Variants in MALT1 observed in about 807,000 individuals in gnomAD.
MALT1 encodes the protein MALT1 paracaspase, also known as mucosa-associated lymphoid tissue lymphoma translocation protein 1.
A neutral mutation model predicts 85.5 loss-of-function variants in MALT1; 36 were observed. The ratio of observed to expected loss-of-function variants is 0.42; its 90% CI spans 0.32 to 0.56. MALT1 has a LOEUF of 0.56. Ranked by LOEUF, MALT1 falls within the 20% of genes least tolerant of loss-of-function variation. The pLI, the probability that MALT1 is intolerant of heterozygous loss-of-function variation, is 0.10. For missense variants in MALT1, 716 were observed against 981.6 expected (o/e 0.73, Z 3.62); for synonymous variants, 359 against 361.3 (o/e 0.99, Z 0.07).
Position 58,749,147 on chromosome 18 carries a change from A to T in MALT1, c.*1305A>T. Reference sequence around the variant, plus strand: ...AGCTAATATACAGTCAGTTCTCATTATTCACAGTAATTATGTTCTACAGAA... The same window carrying T: ...AGCTAATATACAGTCAGTTCTCATTTTTCACAGTAATTATGTTCTACAGAA... On this transcript the variant is annotated 3_prime_UTR_variant, in exon 17 of 17. Coordinates refer to ENST00000649217, the MANE Select transcript of MALT1 (RefSeq NM_006785.4). 1 of 217,866 alleles carries T rather than the reference A, an allele frequency of 4.6e-6. No homozygotes were observed. The highest frequency in any genetic ancestry group is 9.2e-6 in the Non-Finnish European group (1 of 108,496). The allele number at this position is 217,866 out of a possible 1,614,324, so 13.5% of individuals were successfully genotyped here.
intron 4 of MALT1, among the ~76,000 whole-genome samples, chr18:58,707,424 G>T (rs1216264789): frequency 6.6e-6 from 1 of 150,716 alleles, no homozygotes; most frequent in African/African-American, 2.4e-5. Context: ...TTCAACATTA[G>T]AAAATTTTTT....
chr18:58,733,743 A>C, intron 11 of MALT1, 169 bp downstream of exon 11: 1 of 738,900 alleles, frequency 1.4e-6, no homozygotes, highest in Non-Finnish European at 2.1e-6. Context: ...ATGTATATCT[A>C]ATTATTTTAA....
At chr18:58,684,977 G>T (rs2054379819) in intron 2 of MALT1, among the ~76,000 whole-genome samples, 1 of 152,120 alleles carries the variant, frequency 6.6e-6, no homozygotes, top group African/African-American at 2.4e-5. Flanking sequence ...GTTTAGAGAT[G>T]AATAAAACAA....
chr18:58,700,199 T>C (rs1004803430), intron 3 of MALT1, among the ~76,000 whole-genome samples: 1 of 152,276 alleles, frequency 6.6e-6, no homozygotes, highest in Non-Finnish European at 1.5e-5. Flanking sequence ...AGTGAGCCTT[T>C]GGAAGATGTT....
chr18:58,676,581 C>T (rs543410657), intron 1 of MALT1, among the ~76,000 whole-genome samples: 1 of 152,348 alleles, frequency 6.6e-6, no homozygotes, highest in South Asian at 2.1e-4. Context: ...GTTCACCTCA[C>T]TGAGCTCTTC....
At position 58,752,337 on chromosome 18, in the gene MALT1, GT is replaced by G. The variant is rs1361445807; in HGVS notation, c.*4497del. On this transcript the variant is annotated 3_prime_UTR_variant, in exon 17 of 17. Coordinates refer to ENST00000649217, the MANE Select transcript of MALT1 (RefSeq NM_006785.4). ...TTTTCCAAACAGACGTCCTGACAAT[GT>G]TGTTTCCTATTCCTTGAACATTCAC... 2 of 152,120 alleles carry G rather than the reference GT, an allele frequency of 1.3e-5. No homozygotes were observed. The highest frequency in any genetic ancestry group is 4.8e-5 in the African/African-American group (2 of 41,420). The allele number at this position is 152,120 out of a possible 1,614,324, so 9.4% of individuals were successfully genotyped here. A position where few individuals can be genotyped will look rare whatever the true frequency, so the allele number is the denominator to read the frequency against.
Position 58,710,012 on chromosome 18 carries a change from T to C in MALT1, c.865T>C (p.Trp289Arg). The C allele has an allele frequency of 1.2e-6, 2 of 1,612,450 alleles. No individual in the cohort carries two copies. Among genetic ancestry groups the C allele is most frequent in the East Asian group, 2.2e-5 (1 of 44,750 alleles). Residue 289 changes from tryptophan (W) to arginine (R), a missense_variant, in exon 6 of 17, where the codon TGG becomes CGG. By Grantham distance (101) the Trp-to-Arg change is moderately radical (BLOSUM62 -3). This residue lies in a region of MALT1 where 290 missense variants were observed against 380.5 expected (regional missense o/e 0.76). Coordinates refer to ENST00000649217, the MANE Select transcript of MALT1 (RefSeq NM_006785.4). ...GGATTTGGAACACCAAGGAACCTAC[T>C]GGTGTCATGTATATAATGATCGAGA... ...YVDLEHQGTYWCHVYNDRDSQ... is the reference protein window; with the variant it reads ...YVDLEHQGTYRCHVYNDRDSQ...
At position 58,752,641 on chromosome 18, in the gene MALT1, AAAAC is replaced by A. The variant is rs2055462272; in HGVS notation, c.*4803_*4806del. 6.6e-6 allele frequency: 1 copy of A among 151,772 alleles called. No individual in the cohort carries two copies. The highest frequency in any genetic ancestry group is 2.1e-4 in the South Asian group (1 of 4,806). 9.4% of individuals were successfully genotyped at this position (151,772 alleles called of 1,614,324 possible). On this transcript the variant is annotated 3_prime_UTR_variant, in exon 17 of 17. Transcript: ENST00000649217. ...CAAAAAAAAAAAAAAAAAAAAAGCA[AAAAC>A]AAAAATTAACTGGGCATAGTTGCAC... is the stretch of plus-strand genomic sequence containing the variant.
chr18:58,707,272 C>G (rs564953556), intron 4 of MALT1, among the ~76,000 whole-genome samples: 58 of 151,592 alleles, frequency 3.8e-4, no homozygotes, highest in African/African-American at 1.3e-3. Context: ...CTGCCTTTTT[C>G]TCCAGATCCT....
rs2054802610 is a variant in MALT1, at chr18:58,709,515, A to G, written c.787A>G (p.Asn263Asp). The G allele has an allele frequency of 1.2e-6, 2 of 1,612,374 alleles. No homozygotes were observed. The highest frequency in any genetic ancestry group is 1.7e-6 in the Non-Finnish European group (2 of 1,179,496). Residue 263 changes from asparagine (N) to aspartate (D), a missense_variant, in exon 5 of 17, where the codon AAT becomes GAT. Physicochemically the swap from Asn to Asp is conservative, Grantham distance 23. Transcript: ENST00000649217. ...TATTCCTCACTACCAGTGGTTCAAA[A>G]ATGAATTACCATTAACACATGAGAC... ...SPIPHYQWFK[N>D]ELPLTHETKK...
intron 3 of MALT1, among the ~76,000 whole-genome samples, chr18:58,698,896 G>A (rs1486686602): frequency 1.3e-5 from 2 of 152,204 alleles, no homozygotes; most frequent in African/African-American, 2.4e-5. Flanking sequence ...CATTGTGACC[G>A]TAAAGTCCCC....
chr18:58,740,870 C>CA (rs1288238291), intron 13 of MALT1, among the ~76,000 whole-genome samples: 1 of 151,948 alleles, frequency 6.6e-6, no homozygotes, highest in African/African-American at 2.4e-5. Flanking sequence ...CTCAATTTAC[C>CA]AAATTTTCTT....
chr18:58,709,644 T>C (rs1244981163), intron 5 of MALT1, 88 bp downstream of exon 5: 13 of 1,091,278 alleles, frequency 1.2e-5, no homozygotes, highest in Non-Finnish European at 1.5e-5. Context: ...TTAAAACTCA[T>C]ATCCTTTCAG....
intron 16 of MALT1, among the ~76,000 whole-genome samples, chr18:58,746,911 TAG>T (rs1490698355): frequency 2.0e-5 from 3 of 152,128 alleles, no homozygotes; most frequent in African/African-American, 7.2e-5. Flanking sequence ...GTATTTTTAG[TAG>T]AGACAGGTTT....
chr18:58,734,746 G>A (rs1010322447), intron 12 of MALT1, among the ~76,000 whole-genome samples: 7 of 152,354 alleles, frequency 4.6e-5, no homozygotes, highest in African/African-American at 1.4e-4. Flanking sequence ...AATTGGGCAT[G>A]TAATTCCTGC....
rs1466407236 is a variant in MALT1, at chr18:58,753,902, G to A, written c.*6060G>A. ...TAAAGCTGATTCTGCCTCTAAATCT[G>A]AAGTAATTCCCACTTTTTTTCATGC... On this transcript the variant is annotated 3_prime_UTR_variant, in exon 17 of 17. Transcript: ENST00000649217. 6.6e-6 allele frequency: 1 copy of A among 152,130 alleles called. No individual in the cohort carries two copies. The highest frequency in any genetic ancestry group is 1.9e-4 in the East Asian group (1 of 5,196). The allele number at this position is 152,130 out of a possible 1,614,324, so 9.4% of individuals were successfully genotyped here.
chr18:58,726,926 T>C (rs956898533), intron 10 of MALT1, among the ~76,000 whole-genome samples: 14 of 152,250 alleles, frequency 9.2e-5, no homozygotes, highest in Non-Finnish European at 2.1e-4. Flanking sequence ...CAGTGGGCCT[T>C]AGCATAGCTA....
At chr18:58,715,481 G>A (rs1243235932) in intron 8 of MALT1, among the ~76,000 whole-genome samples, 5 of 152,170 alleles carry the variant, frequency 3.3e-5, no homozygotes, top group African/African-American at 9.7e-5. Flanking sequence ...GGTGCTTCAG[G>A]TGCGGGGCGG....
chr18:58,722,520 C>G (rs2054998738), intron 9 of MALT1, among the ~76,000 whole-genome samples: 1 of 152,170 alleles, frequency 6.6e-6, no homozygotes, highest in Non-Finnish European at 1.5e-5. Flanking sequence ...ATGGCTACTG[C>G]AGAAACCAAG....
Sources: gnomAD v4.1 joint callset for allele counts (sites outside exome capture counted in the v4.1 genomes callset) on GRCh38, gnomAD v4.1.1 for gene constraint, gnomAD v4.1.1 regional missense constraint, MANE v1.5 for transcripts, NCBI Gene and HGNC (gene_info 2026-07-23, HGNC 2026-07-21) for gene names.